The following UNC80 variants were observed in gnomAD, a reference collection of about 807,000 sequenced individuals.
The protein encoded by UNC80 is protein unc-80 homolog.
A neutral mutation model predicts 384.6 loss-of-function variants in UNC80; 164 were observed. The observed-to-expected ratio is 0.43, with a 90% CI of 0.38 to 0.49. The LOEUF (loss-of-function observed/expected upper bound fraction) is 0.49, where lower values mean the gene tolerates loss of function less well. Ranked by LOEUF, UNC80 falls within the 20% of genes least tolerant of loss-of-function variation. UNC80 has a pLI of 0.00. For missense variants in UNC80, 3,330 were observed against 4,143.0 expected (o/e 0.80, Z 5.39); for synonymous variants, 1,486 against 1,527.8 (o/e 0.97, Z 0.64).
intron 28 of UNC80, among the ~76,000 whole-genome samples, chr2:209,898,181 T>C (rs2086997080): frequency 6.6e-6 from 1 of 152,092 alleles, no homozygotes; most frequent in Non-Finnish European, 1.5e-5. Flanking sequence ...GATTTTCATT[T>C]TGTCATTTTT....
chr2:209,935,719 A>T lies in UNC80; in HGVS notation c.6184A>T (p.Lys2062Ter). ...ATTATTTTTATCATCTGTAGGTACT[A>T]AAACCTTGGTAGTTCATGGACAGAA... Reference protein sequence around the residue: ...LLVTASMPGTKTLVVHGQNEC... With the variant: ...LLVTASMPGT Residue 2062 changes from lysine (K) to a stop codon, truncating the protein, a stop_gained, in exon 40 of 65, where the codon AAA (lysine) becomes TAA (stop). Transcript: ENST00000673920. LOFTEE classifies it high-confidence loss of function. The T allele has an allele frequency of 6.6e-7, 1 of 1,518,702 alleles. No homozygotes were observed. Among genetic ancestry groups the T allele is most frequent in the Non-Finnish European group, 8.8e-7 (1 of 1,133,210 alleles). 94.1% of individuals were successfully genotyped at this position (1,518,702 alleles called of 1,614,324 possible). A position where few individuals can be genotyped will look rare whatever the true frequency, so the allele number is the denominator to read the frequency against.
chr2:209,907,513 C>G (rs529721434), intron 29 of UNC80, among the ~76,000 whole-genome samples: 30 of 152,094 alleles, frequency 2.0e-4, no homozygotes, highest in African/African-American at 6.7e-4. Context: ...GACAGGTGAG[C>G]TTTAACTAAA....
At position 209,933,731 on chromosome 2, in the gene UNC80, G is replaced by T; in HGVS notation, c.5995-91G>T. On this transcript the variant is annotated intron_variant, in intron 38 of 64. Transcript: ENST00000673920. ...CAGAGAATATGAAGGCACAGAAGAAGGTCGAGTTTAAAACAAGAAAAGCTA... is the reference window on the plus strand; with the variant it reads ...CAGAGAATATGAAGGCACAGAAGAATGTCGAGTTTAAAACAAGAAAAGCTA... The T allele has an allele frequency of 8.7e-6, 10 of 1,152,374 alleles. No homozygotes were observed. The South Asian group carries it at 1.7e-4, about 19-fold the overall frequency. The allele number at this position is 1,152,374 out of a possible 1,614,324, so 71.4% of individuals were successfully genotyped here.
chr2:209,774,898 T>C (rs920500131), intron 2 of UNC80, among the ~76,000 whole-genome samples: 1 of 152,196 alleles, frequency 6.6e-6, no homozygotes, highest in Non-Finnish European at 1.5e-5. Context: ...TTTGGATATC[T>C]CTGTAGTAAG....
In UNC80 at chr2:209,899,509, G is replaced by A. The variant is rs151155937; in HGVS notation, c.4581+3096G>A. On this transcript the variant is annotated intron_variant, in intron 28 of 64. Coordinates refer to ENST00000673920, the MANE Select transcript of UNC80 (RefSeq NM_001371986.1). Reference sequence around the variant, plus strand: ...GTTTATTAATTTAAAAAAAAGCACCGGGGCTCTAGTTGATGTTTTCTCTTT... The same window carrying A: ...GTTTATTAATTTAAAAAAAAGCACCAGGGCTCTAGTTGATGTTTTCTCTTT... Among the ~76,000 whole-genome samples, 608 of 152,214 alleles carry A rather than the reference G, an allele frequency of 4.0e-3. 5 individuals are homozygous for A. The highest frequency in any genetic ancestry group is 0.014 in the African/African-American group (570 of 41,518).
intron 28 of UNC80, among the ~76,000 whole-genome samples, chr2:209,902,940 T>C (rs937790929): frequency 7.1e-6 from 1 of 141,406 alleles, no homozygotes; most frequent in Non-Finnish European, 1.5e-5. Flanking sequence ...TGTGTGTGTG[T>C]GTGTACAGTC....
Position 209,976,317 on chromosome 2 carries a change from T to G in UNC80, c.8772+14T>G, listed in dbSNP as rs941147958. 2 of 1,551,618 alleles carry G rather than the reference T, an allele frequency of 1.3e-6. No individual in the cohort carries two copies. The highest frequency in any genetic ancestry group is 2.7e-5 in the African/African-American group (2 of 73,044). ...ATCCAGTGCAAGGTGTGGTGTGTGCTTCTCCTCCTGAAAGTGGCAAGCTCA... is the reference window on the plus strand; with the variant it reads ...ATCCAGTGCAAGGTGTGGTGTGTGCGTCTCCTCCTGAAAGTGGCAAGCTCA... On this transcript the variant is annotated intron_variant, in intron 57 of 64. Coordinates refer to ENST00000673920, the MANE Select transcript of UNC80 (RefSeq NM_001371986.1). This position sits in a 1 kb window ranked among gnomAD's most constrained non-coding sequence, Gnocchi z 4.3.
intron 55 of UNC80, among the ~76,000 whole-genome samples, chr2:209,972,612 G>A (rs1056141088): frequency 5.9e-5 from 9 of 152,280 alleles, no homozygotes; most frequent in Non-Finnish European, 1.0e-4. Context: ...AATGGTATTC[G>A]TTGAAGTACA....
At chr2:209,995,294 A>G (rs199644141) in intron 64 of UNC80, 35 bp from the exon 65 acceptor site, 2 of 1,547,436 alleles carry the variant, frequency 1.3e-6, no homozygotes, top group Non-Finnish European at 1.7e-6. Context: ...TACCCATCCT[A>G]TCTTTCCATA....
intron 22 of UNC80, among the ~76,000 whole-genome samples, chr2:209,863,219 C>T (rs553748347): frequency 2.4e-4 from 37 of 152,304 alleles, no homozygotes; most frequent in African/African-American, 8.4e-4. Context: ...GTCTGATGGG[C>T]TTCCCTTTGT....
chr2:209,842,509 A>C, intron 21 of UNC80, 63 bp downstream of exon 21: 1 of 1,151,528 alleles, frequency 8.7e-7, no homozygotes, highest in Non-Finnish European at 1.2e-6. Context: ...AAACTTGATT[A>C]GATTAAGTGG....
At chr2:209,903,589 T>C (rs1247531122) in intron 28 of UNC80, among the ~76,000 whole-genome samples, 1 of 101,928 alleles carries the variant, frequency 9.8e-6, no homozygotes, top group Non-Finnish European at 1.8e-5. Context: ...ATATGTAATA[T>C]ATATATACTA....
intron 33 of UNC80, among the ~76,000 whole-genome samples, chr2:209,919,049 A>G (rs529029841): frequency 1.4e-4 from 22 of 152,220 alleles, no homozygotes; most frequent in African/African-American, 4.6e-4. Context: ...GTTGGCAGCT[A>G]TTTACTTGTT....
At chr2:209,801,605 A>G (rs2078558825) in intron 7 of UNC80, among the ~76,000 whole-genome samples, 1 of 138,314 alleles carries the variant, frequency 7.2e-6, no homozygotes, top group Non-Finnish European at 1.5e-5. Flanking sequence ...CTGGTCTTGA[A>G]CTCCAGACCT....
At chr2:209,772,728 T>C (rs1281604641) in intron 1 of UNC80, among the ~76,000 whole-genome samples, 1 of 152,204 alleles carries the variant, frequency 6.6e-6, no homozygotes, top group Non-Finnish European at 1.5e-5. Context: ...TAGAGATTTA[T>C]CAGATAAGAT....
At chr2:209,924,560 T>C (rs1444888442) in intron 35 of UNC80, among the ~76,000 whole-genome samples, 6 of 152,072 alleles carry the variant, frequency 3.9e-5, no homozygotes, top group Admixed American at 3.9e-4. Context: ...TAGCCAAACA[T>C]GAGAGATGAC....
intron 7 of UNC80, among the ~76,000 whole-genome samples, chr2:209,803,724 G>A (rs1044085581): frequency 6.6e-6 from 1 of 151,700 alleles, no homozygotes; most frequent in Admixed American, 6.6e-5. Context: ...TTCTTACTTG[G>A]ATTTCTTTTT....
At chr2:209,809,236 CA>C in intron 7 of UNC80, 1 of 699,966 alleles carries the variant, frequency 1.4e-6, no homozygotes, top group Non-Finnish European at 2.7e-6. Context: ...TTCCCAGTTT[CA>C]AAAAGCCTTC....
chr2:209,972,230 T>C lies in UNC80; in HGVS notation c.8286T>C (p.His2762=). ...QALKEDFPLS[H]VISPFTNQER... Reference sequence around the variant, plus strand: ...TAAAAGAAGATTTTCCTTTAAGCCATGTGATCTCCCCATTCACCAATCAAG... The same window carrying C: ...TAAAAGAAGATTTTCCTTTAAGCCACGTGATCTCCCCATTCACCAATCAAG... The change falls in exon 55 of 65, where the codon CAT becomes CAC. Residue 2762 remains histidine, a synonymous_variant. Transcript: ENST00000673920. 1 of 1,551,530 alleles carries C rather than the reference T, an allele frequency of 6.4e-7. No homozygotes were observed. Among genetic ancestry groups the C allele is most frequent in the Non-Finnish European group, 8.7e-7 (1 of 1,146,838 alleles).
Sources: gnomAD v4.1 joint callset for allele counts (sites outside exome capture counted in the v4.1 genomes callset) on GRCh38, gnomAD v4.1.1 for gene constraint, Gnocchi (gnomAD v3.1) non-coding constraint, MANE v1.5 for transcripts, NCBI Gene and HGNC (gene_info 2026-07-23, HGNC 2026-07-21) for gene names.